ELF1: variants seen among roughly 807,000 people sequenced by gnomAD.
The protein encoded by ELF1 is E74 like ETS transcription factor 1, also known as ETS-related transcription factor Elf-1.
In ELF1, 24 loss-of-function variants were observed where a neutral mutation model predicts 59.9. The observed-to-expected ratio is 0.40, with a 90% CI of 0.29 to 0.56. The LOEUF is 0.56. Among genes scored for constraint, ELF1 ranks in the 20% least tolerant of loss-of-function variants. The pLI is 0.44. For missense variants in ELF1, 627 were observed against 742.2 expected (o/e 0.84, Z 1.80); for synonymous variants, 248 against 266.2 (o/e 0.93, Z 0.67).
chr13:41,033,976 T>C (rs1593405381), intron 1 of ELF1, among the ~76,000 whole-genome samples: 1 of 152,092 alleles, frequency 6.6e-6, no homozygotes, highest in East Asian at 1.9e-4. Flanking sequence ...CTGATTATGG[T>C]GATGGTTACA....
intron 1 of ELF1, among the ~76,000 whole-genome samples, chr13:41,051,582 G>C (rs532243150): frequency 6.6e-6 from 1 of 151,992 alleles, no homozygotes; most frequent in Non-Finnish European, 1.5e-5. Context: ...GGATAAAAAA[G>C]TTTCATATAG....
At chr13:40,942,921 TAACAC>T (rs1870275440) in intron 7 of ELF1, 26 bp downstream of exon 7, 2 of 1,487,736 alleles carry the variant, frequency 1.3e-6, no homozygotes, top group Admixed American at 2.2e-5. Flanking sequence ...ATGATATTCT[TAACAC>T]AATAAAATAC....
chr13:40,938,391 A>G (rs1012049625), intron 8 of ELF1, among the ~76,000 whole-genome samples: 4 of 152,230 alleles, frequency 2.6e-5, no homozygotes, highest in Non-Finnish European at 5.9e-5. Flanking sequence ...ACATGAAATA[A>G]AAAGAAATGA....
chr13:40,950,696 T>C (rs998193905), intron 4 of ELF1, among the ~76,000 whole-genome samples: 2 of 152,236 alleles, frequency 1.3e-5, no homozygotes, highest in Non-Finnish European at 2.9e-5. Context: ...GTGGCCTTTA[T>C]TCTTGGCTTT....
intron 2 of ELF1, 47 bp from the exon 3 acceptor site, chr13:40,959,063 G>A: frequency 6.6e-7 from 1 of 1,523,444 alleles, no homozygotes; most frequent in Non-Finnish European, 8.8e-7. Flanking sequence ...GATTAACACA[G>A]TTTTGCTTTT....
At chr13:40,984,025 C>T (rs923955231) in intron 1 of ELF1, among the ~76,000 whole-genome samples, 29 of 152,262 alleles carry the variant, frequency 1.9e-4, no homozygotes, top group Admixed American at 1.6e-3. Flanking sequence ...AATTACTGCC[C>T]GTACAACCAA....
intron 1 of ELF1, among the ~76,000 whole-genome samples, chr13:41,059,676 T>C (rs886445500): frequency 1.3e-5 from 2 of 152,226 alleles, no homozygotes; most frequent in African/African-American, 4.8e-5. Context: ...TCAGCTTGCA[T>C]TTAAGATAAC....
At chr13:41,026,572 T>C (rs1214262758) in intron 1 of ELF1, among the ~76,000 whole-genome samples, 1 of 152,184 alleles carries the variant, frequency 6.6e-6, no homozygotes, top group Admixed American at 6.5e-5. Context: ...CACAGGCCTG[T>C]AGGATTTTGG....
chr13:41,060,060 A>ACCAGCGC (rs1327452163), intron 1 of ELF1, among the ~76,000 whole-genome samples: 4 of 152,214 alleles, frequency 2.6e-5, no homozygotes. Flanking sequence ...CGTGACTGCG[A>ACCAGCGC]CCAGCGCCCC....
At chr13:40,977,380 C>T (rs1487973142) in intron 2 of ELF1, among the ~76,000 whole-genome samples, 1 of 152,090 alleles carries the variant, frequency 6.6e-6, no homozygotes, top group African/African-American at 2.4e-5. Context: ...CAGACAGCAA[C>T]AACAGAGTTT....
At chr13:41,046,615 C>T (rs1876858712) in intron 1 of ELF1, among the ~76,000 whole-genome samples, 1 of 152,214 alleles carries the variant, frequency 6.6e-6, no homozygotes, top group South Asian at 2.1e-4. Flanking sequence ...TATCGGCCCC[C>T]ACTCTCTTCT....
chr13:40,981,368 T>C (rs553228604), intron 2 of ELF1, among the ~76,000 whole-genome samples: 77 of 152,142 alleles, frequency 5.1e-4, no homozygotes, highest in Non-Finnish European at 9.4e-4. Context: ...GGAAGGAGAC[T>C]AAAATTAATC....
chr13:41,042,510 C>T (rs986614511), intron 1 of ELF1, among the ~76,000 whole-genome samples: 4 of 152,158 alleles, frequency 2.6e-5, no homozygotes, highest in Middle Eastern at 3.4e-3. Flanking sequence ...TTCCTGTGTC[C>T]GAGTGTTCTC....
chr13:40,951,606 T>C, intron 3 of ELF1, 170 bp from the exon 4 acceptor site: 1 of 427,450 alleles, frequency 2.3e-6, no homozygotes, highest in Non-Finnish European at 4.0e-6. Context: ...GCGCAGTGGC[T>C]CATTCCTGTA....
chr13:41,048,316 G>C (rs1876946547), intron 1 of ELF1, among the ~76,000 whole-genome samples: 1 of 152,206 alleles, frequency 6.6e-6, no homozygotes, highest in Non-Finnish European at 1.5e-5. Flanking sequence ...CCAGTGAGAT[G>C]AACCCGGTAC....
In ELF1 at chr13:40,933,479, A is replaced by G. The variant is rs1742465349; in HGVS notation, c.1806T>C (p.Phe602=). The change falls in exon 9 of 9, where the codon TTT becomes TTC. Residue 602 remains phenylalanine (F), a synonymous_variant. Coordinates refer to ENST00000239882, the MANE Select transcript of ELF1 (RefSeq NM_172373.4). ...TTTGTTTCATAGCTACCTGAGAAGT[A>G]AATCCATTGGAACTGGACACTACCA... ...YVMVVSSSNG[F]TSQVAMKQNE... 6.2e-7 allele frequency: 1 copy of G among 1,614,234 alleles called. No homozygotes were observed. The highest frequency in any genetic ancestry group is 2.2e-5 in the East Asian group (1 of 44,888).
In ELF1 at chr13:41,024,426, C is replaced by T. The variant is rs764169312; in HGVS notation, c.-229+36412G>A. ...CGTAAAGCAATTTCTGCCTCCCAGG[C>T]GATCCTCCCACCTCAGCCTCCTGAG... is the stretch of plus-strand genomic sequence containing the variant. On this transcript the variant is annotated intron_variant, in intron 1 of 1. Transcript: ENST00000405737. Among the ~76,000 whole-genome samples, 7 of 152,204 alleles carry T rather than the reference C, an allele frequency of 4.6e-5. No homozygotes were observed. In the South Asian group the frequency reaches 6.2e-4, roughly 14 times the overall value.
chr13:40,956,396 C>A (rs1363704793), intron 3 of ELF1, among the ~76,000 whole-genome samples: 1 of 151,624 alleles, frequency 6.6e-6, no homozygotes, highest in Non-Finnish European at 1.5e-5. Context: ...GAGTCATCAC[C>A]ACTCCCTAAT....
intron 8 of ELF1, among the ~76,000 whole-genome samples, chr13:40,935,750 T>C (rs1231476424): frequency 2.0e-5 from 3 of 151,540 alleles, no homozygotes; most frequent in Non-Finnish European, 4.4e-5. Context: ...CTCAGCTCAC[T>C]GCAACCTCCA....
Sources: gnomAD v4.1 joint callset for allele counts (sites outside exome capture counted in the v4.1 genomes callset) on GRCh38, gnomAD v4.1.1 for gene constraint, MANE v1.5 for transcripts, NCBI Gene and HGNC (gene_info 2026-07-23, HGNC 2026-07-21) for gene names.